AP2B1: variants seen among roughly 807,000 people sequenced by gnomAD.
AP2B1 encodes the protein adaptor related protein complex 2 subunit beta 1, also known as AP-2 complex subunit beta.
Under a neutral mutation model 102.0 loss-of-function variants are expected in AP2B1, and 23 were observed. That is an observed-to-expected ratio of 0.23 (90% CI 0.16 to 0.32). The LOEUF (loss-of-function observed/expected upper bound fraction) is 0.32, where lower values mean the gene tolerates loss of function less well. Ranked by LOEUF, AP2B1 falls within the 10% of genes least tolerant of loss-of-function variation. The probability of loss-of-function intolerance (pLI) is 1.00; values close to 1 mark genes in which losing one functional copy is unlikely to be tolerated. For missense variants in AP2B1, 541 were observed against 1,157.4 expected, an observed-to-expected ratio of 0.47 and a Z score of 7.73; for synonymous variants, 381 against 421.2, an observed-to-expected ratio of 0.90 and a Z score of 1.17.
intron 14 of AP2B1, among the ~76,000 whole-genome samples, chr17:35,670,110 C>T (rs2075555641): frequency 1.3e-5 from 2 of 152,184 alleles, no homozygotes; most frequent in African/African-American, 2.4e-5. Flanking sequence ...TTCTTGTCAG[C>T]TAGGTAATTC....
At chr17:35,597,629 A>G (rs1419174846) in intron 2 of AP2B1, among the ~76,000 whole-genome samples, 1 of 152,222 alleles carries the variant, frequency 6.6e-6, no homozygotes, top group Non-Finnish European at 1.5e-5. Context: ...AAAGGTATAA[A>G]TATGAGTTCT....
chr17:35,682,028 C>T (rs2075831991), intron 17 of AP2B1, among the ~76,000 whole-genome samples: 1 of 152,110 alleles, frequency 6.6e-6, no homozygotes, highest in South Asian at 2.1e-4. Context: ...GCCAAGGTGA[C>T]CAAATTGCTT....
intron 11 of AP2B1, 102 bp from the exon 12 acceptor site, chr17:35,641,775 C>T (rs1028947660): frequency 3.9e-6 from 3 of 761,888 alleles, no homozygotes; most frequent in Non-Finnish European, 6.2e-6. Flanking sequence ...ATCAGAAAGG[C>T]TCCATAGTAA....
intron 18 of AP2B1, among the ~76,000 whole-genome samples, chr17:35,687,136 T>G (rs1327197237): frequency 3.3e-5 from 5 of 152,148 alleles, no homozygotes; most frequent in Non-Finnish European, 7.3e-5. Flanking sequence ...TTATTTTTTT[T>G]GAGATAGGGT....
intron 14 of AP2B1, among the ~76,000 whole-genome samples, chr17:35,670,143 G>A (rs1048932586): frequency 6.6e-6 from 1 of 152,132 alleles, no homozygotes; most frequent in Non-Finnish European, 1.5e-5. Flanking sequence ...TCTCTAATGC[G>A]TAACATCCTT....
At chr17:35,640,602 G>A (rs1346566432) in intron 11 of AP2B1, among the ~76,000 whole-genome samples, 4 of 152,184 alleles carry the variant, frequency 2.6e-5, no homozygotes, top group African/African-American at 9.7e-5. Context: ...AAACTTCAGT[G>A]AGCATTATTA....
chr17:35,675,652 GGGAT>G (rs1251080468), intron 17 of AP2B1, among the ~76,000 whole-genome samples: 1 of 150,992 alleles, frequency 6.6e-6, no homozygotes, highest in Admixed American at 6.6e-5. Context: ...TTTTTGTGGG[GGGAT>G]GGAGTCTTGC....
chr17:35,650,158 C>G (rs938811478), intron 12 of AP2B1, among the ~76,000 whole-genome samples: 2 of 152,154 alleles, frequency 1.3e-5, no homozygotes, highest in African/African-American at 4.8e-5. Flanking sequence ...CTATGTTGGC[C>G]AGGCTGGTCT....
At chr17:35,720,576 TTTTTTTTTTTTTTTTTTTTTTTTTA>T (rs2085353899) in intron 21 of AP2B1, among the ~76,000 whole-genome samples, 1 of 58,360 alleles carries the variant, frequency 1.7e-5, no homozygotes, top group African/African-American at 7.7e-5. Flanking sequence ...TATATATATT[TTTTTTTTTTTTTTTTTTTTTTTTTA>T]ATATAGAGAT....
At chr17:35,638,406 G>A (rs1467459175) in intron 10 of AP2B1, among the ~76,000 whole-genome samples, 2 of 152,150 alleles carry the variant, frequency 1.3e-5, no homozygotes, top group African/African-American at 4.8e-5. Flanking sequence ...TGAGAGAGCT[G>A]TAGATATGTA....
intron 18 of AP2B1, among the ~76,000 whole-genome samples, chr17:35,692,208 C>T (rs2076055722): frequency 6.6e-6 from 1 of 152,214 alleles, no homozygotes; most frequent in Non-Finnish European, 1.5e-5. Context: ...AACACCCAAA[C>T]TTGGGTCACA....
intron 20 of AP2B1, among the ~76,000 whole-genome samples, chr17:35,716,504 C>T (rs587738390): frequency 6.4e-4 from 97 of 152,146 alleles, no homozygotes; most frequent in African/African-American, 2.3e-3. Context: ...CACCTTTGCA[C>T]AGCTTCAGTC....
chr17:35,607,103 C>T (rs1444968462), intron 4 of AP2B1, among the ~76,000 whole-genome samples: 7 of 152,106 alleles, frequency 4.6e-5, no homozygotes. Flanking sequence ...TGGGGTTTCA[C>T]CATATTGGCC....
intron 5 of AP2B1, among the ~76,000 whole-genome samples, chr17:35,618,377 TCTA>T (rs2074082737): frequency 6.6e-6 from 1 of 152,252 alleles, no homozygotes; most frequent in Admixed American, 6.5e-5. Flanking sequence ...GGTCAGTTAC[TCTA>T]CTTCTTTCAC....
intron 13 of AP2B1, among the ~76,000 whole-genome samples, chr17:35,653,049 T>C (rs1332083371): frequency 6.6e-6 from 1 of 152,224 alleles, no homozygotes; most frequent in Admixed American, 6.5e-5. Flanking sequence ...TCTTTGCAGT[T>C]CCATGTTTCT....
intron 2 of AP2B1, among the ~76,000 whole-genome samples, chr17:35,595,549 A>T (rs1474233594): frequency 6.6e-6 from 1 of 152,136 alleles, no homozygotes; most frequent in Non-Finnish European, 1.5e-5. Flanking sequence ...CCTGTCTCAA[A>T]AGAAAAAAAT....
At chr17:35,604,065 G>C (rs225285) in intron 3 of AP2B1, among the ~76,000 whole-genome samples, 118,980 of 152,164 alleles carry the variant, frequency 0.78, 47,043 homozygotes, top group East Asian at 0.97. Flanking sequence ...AACCATGTTA[G>C]CTTTTTGTAC....
rs139057299 is a variant in AP2B1, at chr17:35,697,133, A to G, written c.2455-12091A>G. On this transcript the variant is annotated intron_variant, in intron 18 of 21. Transcript: ENST00000610402. ...TCTGACTCTGATACAATACCCTTTT[A>G]TCTGGATAGGTCTGGTCCTGGTCCC... 4.1e-3 allele frequency among the ~76,000 whole-genome samples: 624 copies of G among 152,300 alleles called. 3 individuals carry two copies. The highest frequency in any genetic ancestry group is 0.014 in the African/African-American group (594 of 41,554).
At chr17:35,696,152 T>C (rs2076137799) in intron 18 of AP2B1, among the ~76,000 whole-genome samples, 1 of 152,188 alleles carries the variant, frequency 6.6e-6, no homozygotes, top group South Asian at 2.1e-4. Context: ...CTCTTCACTA[T>C]AGCCATTCTG....
Sources: allele counts gnomAD v4.1 joint callset (sites outside exome capture counted in the v4.1 genomes callset), GRCh38; gene constraint gnomAD v4.1.1; transcripts MANE v1.5; gene names NCBI Gene and HGNC (gene_info 2026-07-23, HGNC 2026-07-21).